Variants in LMNTD1 observed in about 807,000 individuals in gnomAD.
LMNTD1 encodes the protein lamin tail domain-containing protein 1.
LMNTD1 carries 35 observed loss-of-function variants against 50.9 expected under a neutral mutation model. The observed-to-expected ratio is 0.69, with a 90% CI of 0.53 to 0.91. The LOEUF (loss-of-function observed/expected upper bound fraction) is 0.91. LMNTD1 is among the 40% of genes least tolerant of loss of function. The pLI is 0.00. For synonymous variants in LMNTD1, 153 were observed against 161.9 expected, an observed-to-expected ratio of 0.94 and a Z score of 0.42; for missense variants, 470 against 475.5, an observed-to-expected ratio of 0.99 and a Z score of 0.11.
At chr12:25,498,321 A>C (rs1939180640) in intron 9 of LMNTD1, among the ~76,000 whole-genome samples, 2 of 152,148 alleles carry the variant, frequency 1.3e-5, no homozygotes, top group South Asian at 4.1e-4. Flanking sequence ...GGGATTTTGC[A>C]CATAGTAAGT....
At chr12:25,513,857 C>T (rs768474376) in intron 8 of LMNTD1, among the ~76,000 whole-genome samples, 12 of 151,824 alleles carry the variant, frequency 7.9e-5, no homozygotes, top group South Asian at 4.2e-4. Flanking sequence ...AATCTACAAA[C>T]GATATACAAG....
chr12:25,626,954 C>T (rs1253077778), intron 1 of LMNTD1, among the ~76,000 whole-genome samples: 1 of 152,202 alleles, frequency 6.6e-6, no homozygotes, highest in Non-Finnish European at 1.5e-5. Flanking sequence ...TTGATGCACT[C>T]TTGCACTGTT....
At position 25,503,816 on chromosome 12, in the gene LMNTD1, A is replaced by T. The variant is rs959116827; in HGVS notation, c.1190-16T>A. On this transcript the variant is annotated splice_polypyrimidine_tract_variant and intron_variant, in intron 8 of 9. Transcript: ENST00000458174. ...TTCTTAGACCCTGAAAATTAAAAAA[A>T]ATAATTAAAAAAAGGAGAGAGGCTA... The T allele has an allele frequency of 4.7e-6, 7 of 1,493,112 alleles. No individual in the cohort carries two copies. Among genetic ancestry groups the T allele is most frequent in the Non-Finnish European group, 4.6e-6 (5 of 1,087,518 alleles). 92.5% of individuals were successfully genotyped at this position (1,493,112 alleles called of 1,614,324 possible).
chr12:25,491,753 T>A (rs1480891146), intron 9 of LMNTD1, among the ~76,000 whole-genome samples: 1 of 152,028 alleles, frequency 6.6e-6, no homozygotes, highest in Non-Finnish European at 1.5e-5. Flanking sequence ...CACCAGGAGG[T>A]CATTAGTGAC....
chr12:25,511,704 G>T (rs1352626), intron 8 of LMNTD1, among the ~76,000 whole-genome samples: 1 of 152,134 alleles, frequency 6.6e-6, no homozygotes, highest in Non-Finnish European at 1.5e-5. Flanking sequence ...TTGTTGCCTC[G>T]TCAGTATTTT....
chr12:25,571,480 T>C (rs1325409610), intron 1 of LMNTD1, among the ~76,000 whole-genome samples: 1 of 150,106 alleles, frequency 6.7e-6, no homozygotes, highest in African/African-American at 2.5e-5. Flanking sequence ...TCTCCTGCCT[T>C]AGCCTCATGA....
At chr12:25,641,921 C>A (rs1420003415) in intron 1 of LMNTD1, among the ~76,000 whole-genome samples, 2 of 152,050 alleles carry the variant, frequency 1.3e-5, no homozygotes, top group African/African-American at 4.8e-5. Flanking sequence ...TAGGACTTTT[C>A]ACTTTTTAAA....
chr12:25,606,638 T>C (rs556645474), intron 1 of LMNTD1, among the ~76,000 whole-genome samples: 1 of 152,336 alleles, frequency 6.6e-6, no homozygotes, highest in African/African-American at 2.4e-5. Context: ...TTACGTTTAT[T>C]GATTTGCATA....
intron 7 of LMNTD1, among the ~76,000 whole-genome samples, chr12:25,519,511 C>T (rs765040172): frequency 6.8e-6 from 1 of 147,620 alleles, no homozygotes; most frequent in Non-Finnish European, 1.5e-5. Context: ...TGGCGTGAAC[C>T]GGCAGGGCGG....
chr12:25,594,510 T>C (rs1234273901), intron 1 of LMNTD1, among the ~76,000 whole-genome samples: 4 of 152,014 alleles, frequency 2.6e-5, no homozygotes, highest in African/African-American at 9.7e-5. Context: ...CAACCAAATG[T>C]TGACAGAATT....
At chr12:25,569,965 G>T (rs1247341703) in intron 1 of LMNTD1, among the ~76,000 whole-genome samples, 1 of 152,104 alleles carries the variant, frequency 6.6e-6, no homozygotes, top group Non-Finnish European at 1.5e-5. Flanking sequence ...ATGTATTATT[G>T]TCTGCCTTTC....
intron 9 of LMNTD1, among the ~76,000 whole-genome samples, chr12:25,495,742 A>G (rs16928950): frequency 0.023 from 3,499 of 152,268 alleles, 185 homozygotes; most frequent in East Asian, 0.19. Context: ...CCTATGCCTT[A>G]CTAGACAGTT....
At chr12:25,576,390 G>C (rs1375533333) in intron 1 of LMNTD1, among the ~76,000 whole-genome samples, 2 of 152,304 alleles carry the variant, frequency 1.3e-5, no homozygotes, top group East Asian at 3.9e-4. Context: ...ATTCTAACTG[G>C]TGTGAGATGG....
intron 9 of LMNTD1, among the ~76,000 whole-genome samples, chr12:25,496,665 A>G (rs1439858897): frequency 6.6e-6 from 1 of 152,198 alleles, no homozygotes; most frequent in East Asian, 1.9e-4. Context: ...GAGGCTTGAG[A>G]CTAGAATATG....
At chr12:25,481,886 C>T in intron 9 of LMNTD1, among the ~76,000 whole-genome samples, 1 of 150,600 alleles carries the variant, frequency 6.6e-6, no homozygotes, top group Non-Finnish European at 1.5e-5. Context: ...CACACACACA[C>T]ACACACACAC....
upstream of LMNTD1, among the ~76,000 whole-genome samples, chr12:25,555,065 T>TAAA (rs766278656): frequency 2.3e-5 from 3 of 133,316 alleles, no homozygotes; most frequent in African/African-American, 5.5e-5. Context: ...TCTCCGTCAT[T>TAAA]AAAAAAAAAA....
intron 1 of LMNTD1, among the ~76,000 whole-genome samples, chr12:25,611,401 G>A (rs1946240223): frequency 6.6e-6 from 1 of 152,144 alleles, no homozygotes; most frequent in Admixed American, 6.5e-5. Context: ...GTTTAGAATG[G>A]GAACATTTAA....
In LMNTD1 at chr12:25,502,398, A is replaced by G. The variant is rs1261273956; in HGVS notation, c.*22+1340T>C. Among the ~76,000 whole-genome samples, 7 of 152,326 alleles carry G rather than the reference A, an allele frequency of 4.6e-5. No individual in the cohort carries two copies. In the South Asian group the frequency reaches 8.3e-4, roughly 18 times the overall value. On this transcript the variant is annotated intron_variant, in intron 9 of 9. Transcript: ENST00000458174. Reference sequence around the variant, plus strand: ...ATTCTTTGCATTTCAATTGCACACTACTAAAGCTTATGACAACTGAAGGAA... The same window carrying G: ...ATTCTTTGCATTTCAATTGCACACTGCTAAAGCTTATGACAACTGAAGGAA...
chr12:25,568,184 A>G (rs928221886), intron 1 of LMNTD1, among the ~76,000 whole-genome samples: 9 of 152,216 alleles, frequency 5.9e-5, no homozygotes, highest in Non-Finnish European at 1.3e-4. Flanking sequence ...CTTAGCAAAG[A>G]ACTTGACTGC....
Sources: gnomAD v4.1 joint callset for allele counts (sites outside exome capture counted in the v4.1 genomes callset) on GRCh38, gnomAD v4.1.1 for gene constraint, MANE v1.5 for transcripts, NCBI Gene and HGNC (gene_info 2026-07-23, HGNC 2026-07-21) for gene names.